DLG2: variants seen among roughly 807,000 people sequenced by gnomAD.
DLG2 encodes the protein disks large homolog 2.
DLG2 carries 45 observed loss-of-function variants against 132.5 expected under a neutral mutation model. The observed-to-expected ratio is 0.34, with a 90% CI of 0.27 to 0.44. The LOEUF (loss-of-function observed/expected upper bound fraction) is 0.44. DLG2 is among the 20% of genes least tolerant of loss of function. The pLI, the probability that DLG2 is intolerant of heterozygous loss-of-function variation, is 1.00. For missense variants in DLG2, 1,045 were observed against 1,196.9 expected, an observed-to-expected ratio of 0.87 and a Z score of 1.87; for synonymous variants, 424 against 419.6, an observed-to-expected ratio of 1.01 and a Z score of -0.13.
Position 83,507,469 on chromosome 11 carries a change from C to CTA in DLG2, c.2194-23243_2194-23242dup, listed in dbSNP as rs34462557. Among the ~76,000 whole-genome samples, 127 of 142,274 alleles carry CTA rather than the reference C, an allele frequency of 8.9e-4. 2 individuals are homozygous for CTA. The highest frequency in any genetic ancestry group is 3.2e-3 in the African/African-American group (125 of 38,690). 93.3% of individuals were successfully genotyped at this position (142,274 alleles called of 152,430 possible). A position where few individuals can be genotyped will look rare whatever the true frequency, so the allele number is the denominator to read the frequency against. On this transcript the variant is annotated intron_variant, in intron 21 of 27. Transcript: ENST00000376104. ...GTATATATATACACATATATATACC[C>CTA]TATATATATATATCCATATATATAC... is the stretch of plus-strand genomic sequence containing the variant.
intron 14 of DLG2, among the ~76,000 whole-genome samples, chr11:83,950,333 G>A (rs1389147050): frequency 1.3e-5 from 2 of 152,154 alleles, no homozygotes; most frequent in Non-Finnish European, 2.9e-5. Context: ...AGTGGCTCAC[G>A]CCTGTAATCC....
chr11:84,933,474 G>C (rs1037417011), intron 6 of DLG2, among the ~76,000 whole-genome samples: 22 of 152,120 alleles, frequency 1.4e-4, no homozygotes, highest in African/African-American at 4.8e-4. Flanking sequence ...CCATTTTAAT[G>C]ATATTAATTT....
chr11:84,011,429 C>A (rs2094884960), intron 11 of DLG2, among the ~76,000 whole-genome samples: 1 of 151,966 alleles, frequency 6.6e-6, no homozygotes, highest in African/African-American at 2.4e-5. Context: ...TGTGACAGTA[C>A]CACTGTATTC....
At chr11:84,714,647 T>TCTC (rs2060981509) in intron 6 of DLG2, among the ~76,000 whole-genome samples, 1 of 90,648 alleles carries the variant, frequency 1.1e-5, no homozygotes, top group Non-Finnish European at 2.1e-5. Context: ...CTCTCTCTCT[T>TCTC]TCTCTCTCTC....
intron 3 of DLG2, among the ~76,000 whole-genome samples, chr11:85,360,844 A>C (rs2084088007): frequency 6.6e-6 from 1 of 152,218 alleles, no homozygotes; most frequent in South Asian, 2.1e-4. Flanking sequence ...AGAAGTCTTC[A>C]TACAAGTGAG....
chr11:85,553,937 G>A (rs2153221505), intron 3 of DLG2, among the ~76,000 whole-genome samples: 1 of 151,132 alleles, frequency 6.6e-6, no homozygotes, highest in Admixed American at 6.6e-5. Flanking sequence ...CATTTTATAT[G>A]GATATACAGA....
intron 21 of DLG2, among the ~76,000 whole-genome samples, chr11:83,528,021 A>G (rs2095650613): frequency 1.3e-5 from 2 of 152,168 alleles, no homozygotes; most frequent in Non-Finnish European, 2.9e-5. Flanking sequence ...GTTTGACTAG[A>G]GACTCATTAG....
intron 7 of DLG2, among the ~76,000 whole-genome samples, chr11:84,506,492 G>A (rs2099241689): frequency 6.6e-6 from 1 of 152,178 alleles, no homozygotes; most frequent in Admixed American, 6.5e-5. Flanking sequence ...TGGTTTTAAA[G>A]ATGGACAAAG....
intron 19 of DLG2, among the ~76,000 whole-genome samples, chr11:83,596,439 A>T (rs554516886): frequency 6.6e-6 from 1 of 152,024 alleles, no homozygotes. Context: ...GCTCCTCTTC[A>T]TTTATTCCCA....
At chr11:85,348,664 C>T (rs970276662) in intron 3 of DLG2, among the ~76,000 whole-genome samples, 1 of 152,066 alleles carries the variant, frequency 6.6e-6, no homozygotes, top group Admixed American at 6.6e-5. Context: ...CCTAACTTTC[C>T]TGTACTTTCC....
chr11:84,452,867 C>G (rs2099055517), intron 7 of DLG2, among the ~76,000 whole-genome samples: 1 of 151,504 alleles, frequency 6.6e-6, no homozygotes, highest in Non-Finnish European at 1.5e-5. Context: ...TACAATGTAG[C>G]AAGACCCCAT....
chr11:84,361,057 G>A (rs553196443), intron 7 of DLG2, among the ~76,000 whole-genome samples: 5 of 151,914 alleles, frequency 3.3e-5, no homozygotes, highest in South Asian at 2.1e-4. Flanking sequence ...AAATAGTGAC[G>A]GAAACTGTTT....
intron 7 of DLG2, among the ~76,000 whole-genome samples, chr11:84,518,770 A>G (rs1354140980): frequency 6.6e-6 from 1 of 152,196 alleles, no homozygotes; most frequent in Non-Finnish European, 1.5e-5. Flanking sequence ...AGGCAGAAAG[A>G]TAACAAGCTA....
intron 11 of DLG2, among the ~76,000 whole-genome samples, chr11:84,045,909 A>G (rs2096232810): frequency 6.6e-6 from 1 of 151,568 alleles, no homozygotes; most frequent in African/African-American, 2.4e-5. Context: ...TGTCCGCTGT[A>G]GCCGTAGAAA....
At chr11:85,349,087 C>G (rs1006527616) in intron 3 of DLG2, among the ~76,000 whole-genome samples, 3 of 152,122 alleles carry the variant, frequency 2.0e-5, no homozygotes, top group Non-Finnish European at 4.4e-5. Flanking sequence ...TTGGACATGC[C>G]TCTTTATAGC....
intron 3 of DLG2, among the ~76,000 whole-genome samples, chr11:85,584,339 GGTGT>G (rs61334060): frequency 0.24 from 34,357 of 144,776 alleles, 4,083 homozygotes; most frequent in East Asian, 0.36. Flanking sequence ...AGTATTCCAT[GGTGT>G]GTGTGTGTGT....
intron 4 of DLG2, among the ~76,000 whole-genome samples, chr11:85,230,152 T>A (rs1308656300): frequency 6.6e-6 from 1 of 152,036 alleles, no homozygotes; most frequent in Non-Finnish European, 1.5e-5. Flanking sequence ...TGACAAAGAC[T>A]GTTAACTAAA....
rs549456196 is a variant in DLG2 at position 83,676,611 on chromosome 11, C to T, written c.1826-43286G>A. Among the ~76,000 whole-genome samples the T allele has an allele frequency of 4.6e-5, 7 of 152,230 alleles. 1 individual carries two copies. The highest frequency in any genetic ancestry group is 2.0e-4 in the Admixed American group (3 of 15,280). Reference sequence around the variant, plus strand: ...CTTATCTCATTTATATCTTCCCAACCGCCTGTGAGACAGGAATTGCTATGT... The same window carrying T: ...CTTATCTCATTTATATCTTCCCAACTGCCTGTGAGACAGGAATTGCTATGT... On this transcript the variant is annotated intron_variant, in intron 18 of 27. Coordinates refer to ENST00000376104, the MANE Select transcript of DLG2 (RefSeq NM_001142699.3).
chr11:84,462,885 A>T (rs942860518), intron 7 of DLG2, among the ~76,000 whole-genome samples: 4 of 151,264 alleles, frequency 2.6e-5, no homozygotes, highest in African/African-American at 9.7e-5. Context: ...CAGATATCAC[A>T]CACTGATCTT....
Sources: allele counts gnomAD v4.1 joint callset (sites outside exome capture counted in the v4.1 genomes callset), GRCh38; gene constraint gnomAD v4.1.1; transcripts MANE v1.5; gene names NCBI Gene and HGNC (gene_info 2026-07-23, HGNC 2026-07-21).